The following CDH12 variants were observed in gnomAD, a reference collection of about 807,000 sequenced individuals.
CDH12 encodes the protein cadherin-12.
CDH12 carries 41 observed loss-of-function variants against 74.1 expected under a neutral mutation model. The observed-to-expected ratio is 0.55, with a 90% CI of 0.43 to 0.72. The LOEUF is 0.72. Ranked by LOEUF, CDH12 falls within the 30% of genes least tolerant of loss-of-function variation. CDH12 has a pLI of 0.00. For missense variants in CDH12, 945 were observed against 977.2 expected (o/e 0.97, Z 0.44); for synonymous variants, 399 against 355.0 (o/e 1.12, Z -1.39).
intron 1 of CDH12, among the ~76,000 whole-genome samples, chr5:22,510,199 TAAC>T (rs1561457177): frequency 1.3e-5 from 2 of 152,018 alleles, no homozygotes; most frequent in African/African-American, 4.8e-5. Flanking sequence ...GTCAAACACA[TAAC>T]AAACAAATTT....
At chr5:22,217,170 A>T (rs922720357) in intron 3 of CDH12, among the ~76,000 whole-genome samples, 1 of 151,796 alleles carries the variant, frequency 6.6e-6, no homozygotes, top group African/African-American at 2.4e-5. Context: ...TTGATGTGAA[A>T]TTGTAAATGG....
At chr5:21,884,018 A>G (rs2150036320) in intron 6 of CDH12, 1 of 1,487,492 alleles carries the variant, frequency 6.7e-7, no homozygotes, top group Admixed American at 1.7e-5. Context: ...AAATTCCAGC[A>G]ATGACCACTG....
intron 1 of CDH12, among the ~76,000 whole-genome samples, chr5:22,702,107 A>G (rs1742742556): frequency 6.6e-6 from 1 of 152,194 alleles, no homozygotes; most frequent in African/African-American, 2.4e-5. Flanking sequence ...ACAATCATGA[A>G]TGATAAAGAT....
chr5:22,657,901 G>A (rs889578984), intron 1 of CDH12, among the ~76,000 whole-genome samples: 1 of 152,162 alleles, frequency 6.6e-6, no homozygotes, highest in Admixed American at 6.6e-5. Flanking sequence ...ATTTAAAAGA[G>A]AGGACATTGA....
chr5:22,078,482 T>C lies in CDH12; in HGVS notation c.195A>G (p.Glu65=), dbSNP rs989671756. The C allele has an allele frequency of 5.0e-6, 8 of 1,613,820 alleles. No homozygotes were observed. In the African/African-American group the frequency reaches 9.3e-5, roughly 19 times the overall value. Residue 65 remains glutamate, a synonymous_variant, in exon 5 of 15, where the codon GAA becomes GAG. Coordinates refer to ENST00000382254, the MANE Select transcript of CDH12 (RefSeq NM_004061.5). The part of the protein sequence containing the change: ...GWVWNQFFVL[E]EYVGSEPQYV... ...ACTGAGGCTCGGAGCCCACGTATTCTTCCAGCACAAAAAATTGATTCCATA... is the reference window on the plus strand; with the variant it reads ...ACTGAGGCTCGGAGCCCACGTATTCCTCCAGCACAAAAAATTGATTCCATA...
intron 1 of CDH12, among the ~76,000 whole-genome samples, chr5:22,516,776 C>G (rs1276044285): frequency 2.0e-5 from 3 of 151,928 alleles, no homozygotes; most frequent in East Asian, 3.9e-4. Context: ...GCCTGAGGGA[C>G]AGAGCGAGAC....
chr5:22,840,894 C>A (rs1737054092), intron 1 of CDH12, among the ~76,000 whole-genome samples: 1 of 152,102 alleles, frequency 6.6e-6, no homozygotes. Context: ...GAGGGAACAG[C>A]TAGCAAAGGT....
chr5:22,257,568 C>T (rs1255620604), intron 3 of CDH12, among the ~76,000 whole-genome samples: 2 of 151,790 alleles, frequency 1.3e-5, no homozygotes, highest in African/African-American at 2.4e-5. Flanking sequence ...GGCGCGATCT[C>T]GGTTTACTGC....
chr5:22,578,777 T>C (rs1313524632), intron 1 of CDH12, among the ~76,000 whole-genome samples: 1 of 152,116 alleles, frequency 6.6e-6, no homozygotes, highest in Non-Finnish European at 1.5e-5. Context: ...ATTGCCTGAA[T>C]ATGCGTTTCT....
intron 1 of CDH12, among the ~76,000 whole-genome samples, chr5:22,560,927 C>G (rs1401625794): frequency 6.6e-6 from 1 of 151,938 alleles, no homozygotes; most frequent in Non-Finnish European, 1.5e-5. Context: ...CAACCTAGAG[C>G]ACAGAAGGTT....
intron 3 of CDH12, among the ~76,000 whole-genome samples, chr5:22,341,692 T>C (rs1739856603): frequency 6.6e-6 from 1 of 152,108 alleles, no homozygotes; most frequent in South Asian, 2.1e-4. Context: ...CAGAAGTTGT[T>C]TTAGTCATGC....
chr5:22,175,590 TAATTAAA>T (rs1051861226), intron 4 of CDH12, among the ~76,000 whole-genome samples: 19 of 134,536 alleles, frequency 1.4e-4, no homozygotes, highest in Admixed American at 1.1e-3. Context: ...TATATGGTGT[TAATTAAA>T]AAGAATAGAA....
chr5:22,743,646 T>C (rs1341633204), intron 1 of CDH12, among the ~76,000 whole-genome samples: 1 of 152,128 alleles, frequency 6.6e-6, no homozygotes, highest in African/African-American at 2.4e-5. Flanking sequence ...TTCCCAGGAG[T>C]TACACATGTT....
rs548552509 is a variant in CDH12 at position 22,068,720 on chromosome 5, T to C, written c.231+9726A>G. ...TGGGAATGTTTACAAAAAGGTAACA[T>C]CAGCAGAGGAAGATATTAATAATCA... On this transcript the variant is annotated intron_variant, in intron 5 of 14. Transcript: ENST00000382254. Among the ~76,000 whole-genome samples, 317 of 152,244 alleles carry C rather than the reference T, an allele frequency of 2.1e-3. 1 individual carries two copies. The highest frequency in any genetic ancestry group is 0.02 in the South Asian group (95 of 4,830).
chr5:22,167,899 A>C (rs565033991), intron 4 of CDH12, among the ~76,000 whole-genome samples: 1 of 152,026 alleles, frequency 6.6e-6, no homozygotes, highest in Non-Finnish European at 1.5e-5. Context: ...TTACTTTCTC[A>C]ATCATCTTGA....
At chr5:22,633,654 G>A (rs1475159377) in intron 1 of CDH12, among the ~76,000 whole-genome samples, 1 of 152,134 alleles carries the variant, frequency 6.6e-6, no homozygotes, top group Admixed American at 6.5e-5. Context: ...ACTGTTTGAG[G>A]TATGACAGTG....
At chr5:22,818,523 T>C (rs1533196) in intron 1 of CDH12, among the ~76,000 whole-genome samples, 102,201 of 152,016 alleles carry the variant, frequency 0.67, 34,609 homozygotes, top group African/African-American at 0.71. Context: ...AGTCTGTTTG[T>C]TTATTCTTCA....
intron 6 of CDH12, among the ~76,000 whole-genome samples, chr5:21,890,415 T>C (rs1348035707): frequency 6.6e-6 from 1 of 152,094 alleles, no homozygotes. Flanking sequence ...AGAAAGTCAA[T>C]TATTTGTTAT....
chr5:21,905,370 T>C (rs1378606974), intron 6 of CDH12, among the ~76,000 whole-genome samples: 2 of 152,218 alleles, frequency 1.3e-5, no homozygotes, highest in African/African-American at 4.8e-5. Flanking sequence ...GCACGAACTT[T>C]TGATTGGATG....
Sources: gnomAD v4.1 joint callset for allele counts (sites outside exome capture counted in the v4.1 genomes callset) on GRCh38, gnomAD v4.1.1 for gene constraint, MANE v1.5 for transcripts, NCBI Gene and HGNC (gene_info 2026-07-23, HGNC 2026-07-21) for gene names.